The following PARD3 variants were observed in gnomAD, a reference collection of about 807,000 sequenced individuals.
PARD3 encodes partitioning defective 3 homolog.
A neutral mutation model predicts 155.4 loss-of-function variants in PARD3; 75 were observed. The ratio of observed to expected loss-of-function variants is 0.48; its 90% CI spans 0.40 to 0.58. The LOEUF (loss-of-function observed/expected upper bound fraction) is 0.58. Ranked by LOEUF, PARD3 falls within the 20% of genes least tolerant of loss-of-function variation. The pLI, the probability that PARD3 is intolerant of heterozygous loss-of-function variation, is 0.00. For synonymous variants in PARD3, 576 were observed against 610.5 expected (o/e 0.94, Z 0.83); for missense variants, 1,642 against 1,721.7 (o/e 0.95, Z 0.82).
chr10:34,545,689 G>C (rs2083988852), intron 2 of PARD3, among the ~76,000 whole-genome samples: 1 of 152,012 alleles, frequency 6.6e-6, no homozygotes, highest in Non-Finnish European at 1.5e-5. Context: ...AGAGTAACTG[G>C]GATTACAGGT....
intron 1 of PARD3, among the ~76,000 whole-genome samples, chr10:34,727,644 G>A (rs2094738870): frequency 6.6e-6 from 1 of 151,976 alleles, no homozygotes; most frequent in Non-Finnish European, 1.5e-5. Flanking sequence ...GCACTTTGAA[G>A]CCTTTAAGGT....
At chr10:34,674,262 C>A (rs983575266) in intron 2 of PARD3, among the ~76,000 whole-genome samples, 1 of 152,154 alleles carries the variant, frequency 6.6e-6, no homozygotes, top group Non-Finnish European at 1.5e-5. Flanking sequence ...CACAGCAACA[C>A]CTGAAAGTTA....
rs547037329 is a variant in PARD3, at chr10:34,494,635, T to C, written c.403+22344A>G. Among the ~76,000 whole-genome samples, 103 of 152,358 alleles carry C rather than the reference T, an allele frequency of 6.8e-4. 1 individual carries two copies. In the South Asian group the frequency reaches 7.5e-3, roughly 11 times the overall value. On this transcript the variant is annotated intron_variant, in intron 3 of 24. Transcript: ENST00000374788. ...TTCTGAGCATGCAGCTGTATAGGAC[T>C]TTTATTTAATGATCATTTAAATGCT... is the stretch of plus-strand genomic sequence containing the variant.
At chr10:34,298,761 C>A (rs1466808825) in intron 20 of PARD3, among the ~76,000 whole-genome samples, 1 of 152,042 alleles carries the variant, frequency 6.6e-6, no homozygotes, top group Non-Finnish European at 1.5e-5. Context: ...TATTTCACCA[C>A]GATTTAAAAT....
intron 22 of PARD3, among the ~76,000 whole-genome samples, chr10:34,203,472 A>C (rs1951315425): frequency 6.6e-6 from 1 of 152,182 alleles, no homozygotes; most frequent in Non-Finnish European, 1.5e-5. Flanking sequence ...TGGATACCAA[A>C]ATCCACGGAT....
intron 20 of PARD3, among the ~76,000 whole-genome samples, chr10:34,298,450 C>A (rs1012425308): frequency 6.6e-6 from 1 of 152,164 alleles, no homozygotes; most frequent in African/African-American, 2.4e-5. Flanking sequence ...CACTACAACA[C>A]GGATGAGCCT....
At chr10:34,596,712 C>T (rs2089294942) in intron 2 of PARD3, among the ~76,000 whole-genome samples, 1 of 152,128 alleles carries the variant, frequency 6.6e-6, no homozygotes. Context: ...GCAGAAAATG[C>T]CAACACACAC....
chr10:34,280,620 T>C (rs975229410), intron 21 of PARD3, among the ~76,000 whole-genome samples: 8 of 152,266 alleles, frequency 5.3e-5, no homozygotes, highest in Admixed American at 4.6e-4. Context: ...GCTTTAAACT[T>C]GCTCGCAGTT....
At chr10:34,156,177 A>ATATG (rs1249111192) in intron 22 of PARD3, among the ~76,000 whole-genome samples, 1 of 152,252 alleles carries the variant, frequency 6.6e-6, no homozygotes, top group African/African-American at 2.4e-5. Context: ...GTGCTATCAT[A>ATATG]GCTCACTGTA....
At chr10:34,400,169 G>A (rs1163542703) in intron 6 of PARD3, among the ~76,000 whole-genome samples, 1 of 152,182 alleles carries the variant, frequency 6.6e-6, no homozygotes, top group East Asian at 1.9e-4. Flanking sequence ...TAGAAAGGGA[G>A]TCTTGCTGTG....
intron 14 of PARD3, among the ~76,000 whole-genome samples, chr10:34,356,856 T>A (rs1204755450): frequency 2.0e-5 from 3 of 152,346 alleles, no homozygotes; most frequent in African/African-American, 7.2e-5. Flanking sequence ...ATTACAAAGA[T>A]AGCACAGCAC....
At chr10:34,177,557 G>A (rs907422529) in intron 22 of PARD3, among the ~76,000 whole-genome samples, 52 of 152,154 alleles carry the variant, frequency 3.4e-4, no homozygotes, top group African/African-American at 1.2e-3. Context: ...CTCCGATTTG[G>A]TCTGCTCACT....
At chr10:34,464,046 T>G (rs375058493) in intron 4 of PARD3, among the ~76,000 whole-genome samples, 16 of 151,944 alleles carry the variant, frequency 1.1e-4, no homozygotes, top group East Asian at 7.7e-4. Context: ...AAGCAAGGCA[T>G]GACTATATTC....
At chr10:34,207,953 G>C (rs543055510) in intron 22 of PARD3, among the ~76,000 whole-genome samples, 2 of 152,278 alleles carry the variant, frequency 1.3e-5, no homozygotes, top group South Asian at 2.1e-4. Flanking sequence ...CTGTAAAAGA[G>C]AAAAAAGTAA....
chr10:34,558,188 T>C (rs1374576052), intron 2 of PARD3, among the ~76,000 whole-genome samples: 1 of 152,136 alleles, frequency 6.6e-6, no homozygotes, highest in Non-Finnish European at 1.5e-5. Flanking sequence ...GAATACGTAA[T>C]TATATTCCCC....
chr10:34,770,677 C>G lies in PARD3; in HGVS notation c.120+44199G>C, dbSNP rs138418858. On this transcript the variant is annotated intron_variant, in intron 1 of 24. Transcript: ENST00000374788. ...TATGTGGCCTTGGACAGATGACTCT[C>G]CCACCACGGACCACAGGAATCTAAT... 2.6e-4 allele frequency among the ~76,000 whole-genome samples: 40 copies of G among 152,302 alleles called. No individual in the cohort carries two copies. In the East Asian group the frequency reaches 6.9e-3, roughly 26 times the overall value.
intron 1 of PARD3, among the ~76,000 whole-genome samples, chr10:34,774,192 T>C (rs1839251679): frequency 6.6e-6 from 1 of 152,212 alleles, no homozygotes; most frequent in South Asian, 2.1e-4. Flanking sequence ...ATTCTCATTA[T>C]TAGGAAATTA....
intron 3 of PARD3, among the ~76,000 whole-genome samples, chr10:34,474,969 A>G (rs1163345782): frequency 6.6e-6 from 1 of 152,174 alleles, no homozygotes; most frequent in East Asian, 1.9e-4. Context: ...TAGGAAAAGG[A>G]AAAAAATCTA....
chr10:34,769,962 A>G (rs999564154), intron 1 of PARD3, among the ~76,000 whole-genome samples: 1 of 151,976 alleles, frequency 6.6e-6, no homozygotes, highest in African/African-American at 2.4e-5. Context: ...TCTCTAGTAC[A>G]CCCTTACCAT....
Sources: allele counts gnomAD v4.1 joint callset (sites outside exome capture counted in the v4.1 genomes callset), GRCh38; gene constraint gnomAD v4.1.1; transcripts MANE v1.5; gene names NCBI Gene and HGNC (gene_info 2026-07-23, HGNC 2026-07-21).